TNRC6A: variants seen among roughly 807,000 people sequenced by gnomAD.
TNRC6A encodes trinucleotide repeat containing adaptor 6A.
A neutral mutation model predicts 221.2 loss-of-function variants in TNRC6A; 44 were observed. The observed-to-expected ratio is 0.20, with a 90% CI of 0.16 to 0.26. The LOEUF is 0.26. TNRC6A is among the 10% of genes least tolerant of loss of function. The pLI, the probability that TNRC6A is intolerant of heterozygous loss-of-function variation, is 1.00. For synonymous variants in TNRC6A, 847 were observed against 838.5 expected, an observed-to-expected ratio of 1.01 and a Z score of -0.18; for missense variants, 2,199 against 2,404.4, an observed-to-expected ratio of 0.91 and a Z score of 1.79.
At chr16:24,779,383 T>TA (rs2057792103) in intron 5 of TNRC6A, among the ~76,000 whole-genome samples, 3 of 152,174 alleles carry the variant, frequency 2.0e-5, no homozygotes, top group Non-Finnish European at 4.4e-5. Flanking sequence ...TTTTGTCTCT[T>TA]AAAAAATTTA....
chr16:24,706,415 A>G (rs2056093494), intron 2 of TNRC6A, among the ~76,000 whole-genome samples: 1 of 152,190 alleles, frequency 6.6e-6, no homozygotes, highest in Non-Finnish European at 1.5e-5. Flanking sequence ...TTATATTTTT[A>G]AAAGTTTAGT....
rs35669037 is a variant in TNRC6A at position 24,657,708 on chromosome 16, C to CAAA, written n.402+16713_402+16715dup. 1.5e-4 allele frequency among the ~76,000 whole-genome samples: 18 copies of CAAA among 122,084 alleles called. No individual in the cohort carries two copies. The East Asian group carries it at 2.2e-3, about 15-fold the overall frequency. The allele number at this position is 122,084 out of a possible 152,430, so 80.1% of individuals were successfully genotyped here. ...TGGGCGACAGAGCAAAGCTCCATCT[C>CAAA]AAAAAAAAAAAAAAAATGGAAATAA... On this transcript the variant is annotated intron_variant and non_coding_transcript_variant, in intron 2 of 2. Coordinates refer to the TNRC6A transcript ENST00000566108.
intron 2 of TNRC6A, among the ~76,000 whole-genome samples, chr16:24,647,538 T>C (rs1006883081): frequency 1.3e-5 from 2 of 152,200 alleles, no homozygotes; most frequent in Non-Finnish European, 2.9e-5. Flanking sequence ...GGTATACATC[T>C]CCATGGCATT....
chr16:24,633,195 T>C (rs541867712), intron 1 of TNRC6A, among the ~76,000 whole-genome samples: 6 of 152,184 alleles, frequency 3.9e-5, no homozygotes, highest in Admixed American at 2.0e-4. Flanking sequence ...ATTTACCATA[T>C]ATGCAGCTGC....
intron 2 of TNRC6A, among the ~76,000 whole-genome samples, chr16:24,654,035 G>A (rs1902818850): frequency 6.6e-6 from 1 of 152,108 alleles, no homozygotes; most frequent in African/African-American, 2.4e-5. Context: ...CTCCCAAGTA[G>A]CTGGAACCAC....
chr16:24,794,460 C>T (rs2058176863), intron 7 of TNRC6A, 84 bp from the exon 8 acceptor site: 3 of 1,451,942 alleles, frequency 2.1e-6, no homozygotes, highest in East Asian at 2.4e-5. Flanking sequence ...AGGTTCTCTA[C>T]CCAATTTTTA....
In TNRC6A at chr16:24,823,085, G is replaced by T; in HGVS notation, c.5513+72G>T. On this transcript the variant is annotated intron_variant, in intron 24 of 24. Transcript: ENST00000395799. The surrounding 1 kb of genome is among the most constrained non-coding windows in gnomAD (Gnocchi z 4.3). ...GTGTGAGAGCACAGCCTGACCCGGG[G>T]CAGTGCACAGGGTCCTGCGTGGGTG... 6.2e-7 allele frequency: 1 copy of T among 1,600,928 alleles called. No individual in the cohort carries two copies. Among genetic ancestry groups the T allele is most frequent in the Non-Finnish European group, 8.5e-7 (1 of 1,171,430 alleles).
At chr16:24,822,250 C>A in intron 23 of TNRC6A, 103 bp downstream of exon 23, 1 of 1,136,952 alleles carries the variant, frequency 8.8e-7, no homozygotes. Context: ...GGTAGTGAAG[C>A]CGAGCAGAGG....
At chr16:24,675,811 T>C (rs2055411098) in intron 2 of TNRC6A, among the ~76,000 whole-genome samples, 1 of 147,744 alleles carries the variant, frequency 6.8e-6, no homozygotes, top group Non-Finnish European at 1.5e-5. Flanking sequence ...AGTACCCACA[T>C]AGGGTCTAGG....
At position 24,789,485 on chromosome 16, in the gene TNRC6A, T is replaced by A; in HGVS notation, c.843T>A (p.Asp281Glu). ...MASGNTGGEK[D>E]GLRNSTGLGS... ...CAGGGAACACAGGTGGTGAAAAAGA[T>A]GGCCTTCGGAATAGCACTGGACTTG... Residue 281 changes from aspartate to glutamate, a missense_variant, in exon 6 of 25, where the codon GAT becomes GAA. Around this residue, in one of 8 missense-constraint regions of TNRC6A, gnomAD observed 1,405 missense variants for 1,400.2 expected, o/e 1.00. Transcript: ENST00000395799. 6.2e-7 allele frequency: 1 copy of A among 1,614,204 alleles called. No homozygotes were observed. Among genetic ancestry groups the A allele is most frequent in the Non-Finnish European group, 8.5e-7 (1 of 1,180,036 alleles).
At chr16:24,812,418 A>G (rs2058565553) in intron 18 of TNRC6A, among the ~76,000 whole-genome samples, 1 of 152,160 alleles carries the variant, frequency 6.6e-6, no homozygotes, top group Admixed American at 6.5e-5. Context: ...CAAAATAAAT[A>G]TGAATCCTAG....
intron 1 of TNRC6A, among the ~76,000 whole-genome samples, chr16:24,620,135 C>A (rs535748361): frequency 1.5e-4 from 22 of 150,484 alleles, no homozygotes; most frequent in Admixed American, 3.3e-4. Context: ...GAGCAAGACC[C>A]AGTTTCAAAA....
chr16:24,721,791 C>T (rs1309262326), intron 2 of TNRC6A, among the ~76,000 whole-genome samples: 1 of 152,136 alleles, frequency 6.6e-6, no homozygotes, highest in Non-Finnish European at 1.5e-5. Context: ...GTGGTATATC[C>T]ATTCAACAGA....
intron 2 of TNRC6A, among the ~76,000 whole-genome samples, chr16:24,709,083 C>G (rs2056154377): frequency 1.3e-5 from 2 of 151,888 alleles, no homozygotes; most frequent in South Asian, 4.2e-4. Context: ...ATGGAGAAAC[C>G]CCGTCTCTAC....
chr16:24,700,268 C>T (rs1226585659), intron 2 of TNRC6A, among the ~76,000 whole-genome samples: 1 of 151,828 alleles, frequency 6.6e-6, no homozygotes, highest in Non-Finnish European at 1.5e-5. Context: ...CAGAGTCTCA[C>T]TCTGTTGCCC....
At chr16:24,821,368 G>A (rs1048038600) in intron 22 of TNRC6A, among the ~76,000 whole-genome samples, 54 of 152,204 alleles carry the variant, frequency 3.5e-4, no homozygotes, top group Non-Finnish European at 7.1e-4. Context: ...TAAGCCAAGC[G>A]AACCGAGGGG....
At chr16:24,721,700 G>A (rs76622607) in intron 2 of TNRC6A, among the ~76,000 whole-genome samples, 15,482 of 152,144 alleles carry the variant, frequency 0.1, 1,817 homozygotes, top group East Asian at 0.35. Flanking sequence ...CCAGCTACTC[G>A]TGAGGCTGAG....
chr16:24,744,970 C>T (rs1390607040), intron 2 of TNRC6A, among the ~76,000 whole-genome samples: 2 of 152,134 alleles, frequency 1.3e-5, no homozygotes, highest in East Asian at 3.9e-4. Context: ...GATCCTTTCA[C>T]ATCAGGGTGT....
intron 4 of TNRC6A, among the ~76,000 whole-genome samples, chr16:24,768,548 T>C (rs2057524535): frequency 6.6e-6 from 1 of 152,086 alleles, no homozygotes; most frequent in Admixed American, 6.6e-5. Context: ...ATTGGTACAC[T>C]CCATCTTGTC....
Sources: allele counts gnomAD v4.1 joint callset (sites outside exome capture counted in the v4.1 genomes callset), GRCh38; gene constraint gnomAD v4.1.1; regional missense constraint gnomAD v4.1.1; non-coding constraint Gnocchi (gnomAD v3.1); transcripts MANE v1.5; gene names NCBI Gene and HGNC (gene_info 2026-07-23, HGNC 2026-07-21).